The following SUSD1 variants were observed in gnomAD, a reference collection of about 807,000 sequenced individuals.
SUSD1 encodes sushi domain-containing protein 1.
SUSD1 carries 65 observed loss-of-function variants against 86.9 expected under a neutral mutation model. That is an observed-to-expected ratio of 0.75 (90% CI 0.61 to 0.92). SUSD1 has a LOEUF of 0.92. Ranked by LOEUF, SUSD1 falls within the 40% of genes least tolerant of loss-of-function variation. SUSD1 has a pLI of 0.00. For missense variants in SUSD1, 850 were observed against 929.7 expected (o/e 0.91, Z 1.11); for synonymous variants, 346 against 350.0 (o/e 0.99, Z 0.13).
intron 15 of SUSD1, 49 bp downstream of exon 15, chr9:112,052,350 C>T (rs1257453711): frequency 2.5e-6 from 4 of 1,613,366 alleles, no homozygotes; most frequent in Non-Finnish European, 3.4e-6. Flanking sequence ...GAACTTGATG[C>T]TGCAGAAAAG....
intron 15 of SUSD1, among the ~76,000 whole-genome samples, chr9:112,043,632 G>C (rs1017530951): frequency 6.6e-6 from 1 of 152,084 alleles, no homozygotes; most frequent in African/African-American, 2.4e-5. Context: ...GCTCTGTCTA[G>C]GCAGCAGGCA....
chr9:112,148,846 CAG>C (rs968693536), intron 3 of SUSD1, among the ~76,000 whole-genome samples: 9 of 151,576 alleles, frequency 5.9e-5, no homozygotes, highest in African/African-American at 2.2e-4. Context: ...GCGGAGGTTA[CAG>C]AGAGTCGAGA....
At chr9:112,136,196 G>A (rs915012841) in intron 5 of SUSD1, among the ~76,000 whole-genome samples, 4 of 152,184 alleles carry the variant, frequency 2.6e-5, no homozygotes, top group African/African-American at 7.2e-5. Context: ...TGAGGTGCCA[G>A]AAAATGTATT....
At chr9:112,097,108 T>C (rs1830427451) in intron 10 of SUSD1, among the ~76,000 whole-genome samples, 1 of 151,966 alleles carries the variant, frequency 6.6e-6, no homozygotes, top group Non-Finnish European at 1.5e-5. Context: ...AAGACCTCAC[T>C]TGAGGTCAGG....
chr9:112,157,030 A>C (rs1468383981), intron 2 of SUSD1, among the ~76,000 whole-genome samples: 1 of 152,216 alleles, frequency 6.6e-6, no homozygotes, highest in East Asian at 1.9e-4. Flanking sequence ...CCCTAAAAGT[A>C]TCACAACTAC....
chr9:112,105,955 C>A (rs1259862577), intron 8 of SUSD1, among the ~76,000 whole-genome samples: 3 of 152,140 alleles, frequency 2.0e-5, no homozygotes, highest in Non-Finnish European at 4.4e-5. Context: ...TCATGATACA[C>A]AAGCTGAAAA....
chr9:112,139,844 A>C (rs574320905), intron 5 of SUSD1, among the ~76,000 whole-genome samples: 202 of 152,374 alleles, frequency 1.3e-3, no homozygotes, highest in Non-Finnish European at 2.6e-3. Flanking sequence ...CATATAGCCA[A>C]AAACTAGAAA....
intron 12 of SUSD1, among the ~76,000 whole-genome samples, 168 bp downstream of exon 12, chr9:112,078,370 A>G (rs1829612793): frequency 6.6e-6 from 1 of 152,142 alleles, no homozygotes; most frequent in Non-Finnish European, 1.5e-5. Context: ...ATGAAACATA[A>G]CAGTCACAGA....
chr9:112,096,586 C>T (rs1027913126), intron 10 of SUSD1, among the ~76,000 whole-genome samples: 1 of 152,184 alleles, frequency 6.6e-6, no homozygotes, highest in African/African-American at 2.4e-5. Context: ...ATTGCCCAGG[C>T]TGAAGTGCAG....
At chr9:112,129,234 G>A (rs984132611) in intron 5 of SUSD1, among the ~76,000 whole-genome samples, 1 of 152,054 alleles carries the variant, frequency 6.6e-6, no homozygotes, top group Non-Finnish European at 1.5e-5. Flanking sequence ...GGTGAGAAGG[G>A]GGGTGGAATA....
intron 8 of SUSD1, among the ~76,000 whole-genome samples, chr9:112,106,864 G>A (rs1200312817): frequency 1.3e-5 from 2 of 150,580 alleles, no homozygotes; most frequent in African/African-American, 4.9e-5. Context: ...TTTTTTAAAT[G>A]TGATCACTTG....
At chr9:112,092,721 G>C (rs1830251516) in intron 10 of SUSD1, among the ~76,000 whole-genome samples, 1 of 151,916 alleles carries the variant, frequency 6.6e-6, no homozygotes, top group Non-Finnish European at 1.5e-5. Context: ...ATACTCTTTT[G>C]TTTTAAAAAA....
chr9:112,161,478 A>T (rs190893988), intron 1 of SUSD1, among the ~76,000 whole-genome samples: 2 of 152,174 alleles, frequency 1.3e-5, no homozygotes, highest in South Asian at 2.1e-4. Context: ...TTTGTGATCA[A>T]CCCTACAATG....
intron 10 of SUSD1, among the ~76,000 whole-genome samples, chr9:112,092,562 T>A (rs1337538719): frequency 6.6e-6 from 1 of 152,236 alleles, no homozygotes; most frequent in Admixed American, 6.5e-5. Flanking sequence ...TATAAGGGCA[T>A]GAATTATTCT....
At chr9:112,155,973 GGAGA>G (rs1329942882) in intron 2 of SUSD1, among the ~76,000 whole-genome samples, 1 of 149,968 alleles carries the variant, frequency 6.7e-6, no homozygotes, top group Non-Finnish European at 1.5e-5. Flanking sequence ...AAGAAGGAAA[GGAGA>G]GAGAAAGAAA....
chr9:112,106,664 T>C (rs78378695), intron 8 of SUSD1, among the ~76,000 whole-genome samples: 3,964 of 151,188 alleles, frequency 0.026, 91 homozygotes, highest in Non-Finnish European at 0.04. Context: ...AGATAATACA[T>C]GTTAAAAATA....
At chr9:112,160,775 CT>C (rs1210944178) in intron 1 of SUSD1, among the ~76,000 whole-genome samples, 1 of 137,826 alleles carries the variant, frequency 7.3e-6, no homozygotes, top group South Asian at 2.4e-4. Flanking sequence ...GAAGCAGAGT[CT>C]TTGCAAATTT....
intron 10 of SUSD1, among the ~76,000 whole-genome samples, chr9:112,092,503 G>A (rs1830243267): frequency 6.6e-6 from 1 of 152,240 alleles, no homozygotes; most frequent in East Asian, 1.9e-4. Context: ...GGCTGGATGG[G>A]AAAACTCAAA....
chr9:112,110,086 C>T (rs947307626), intron 8 of SUSD1, among the ~76,000 whole-genome samples: 9 of 152,108 alleles, frequency 5.9e-5, no homozygotes, highest in African/African-American at 1.9e-4. Context: ...TGGTGGTTCA[C>T]GCCTATAATC....
Sources: gnomAD v4.1 joint callset for allele counts (sites outside exome capture counted in the v4.1 genomes callset) on GRCh38, gnomAD v4.1.1 for gene constraint, MANE v1.5 for transcripts, NCBI Gene and HGNC (gene_info 2026-07-23, HGNC 2026-07-21) for gene names.